Variants in CTNND2 observed in about 807,000 individuals in gnomAD.
CTNND2 encodes the protein catenin delta 2, also known as catenin delta-2.
CTNND2 carries 22 observed loss-of-function variants against 144.4 expected under a neutral mutation model. That is an observed-to-expected ratio of 0.15 (90% CI 0.11 to 0.22). The LOEUF is 0.22. Among genes scored for constraint, CTNND2 ranks in the 10% least tolerant of loss-of-function variants. CTNND2 has a pLI of 1.00. For synonymous variants in CTNND2, 751 were observed against 695.6 expected, an observed-to-expected ratio of 1.08 and a Z score of -1.25; for missense variants, 1,353 against 1,618.8, an observed-to-expected ratio of 0.84 and a Z score of 2.82.
intron 1 of CTNND2, among the ~76,000 whole-genome samples, chr5:11,766,601 T>C (rs535588445): frequency 6.6e-6 from 1 of 152,316 alleles, no homozygotes; most frequent in African/African-American, 2.4e-5. Flanking sequence ...AACCTCTTTC[T>C]TTTGTAAATT....
At chr5:11,351,468 C>T (rs1755338846) in intron 8 of CTNND2, among the ~76,000 whole-genome samples, 1 of 152,172 alleles carries the variant, frequency 6.6e-6, no homozygotes, top group Non-Finnish European at 1.5e-5. Context: ...TATCTGTTTT[C>T]TGCAGAGCTG....
rs148506663 is a variant in CTNND2 at position 11,162,253 on chromosome 5, A to G, written c.1976-2494T>C. On this transcript the variant is annotated intron_variant, in intron 11 of 21. Transcript: ENST00000304623. ...GAAAATCTCAAGGCTTTCTATGAGA[A>G]TACAGCTATTTTTACTGTTTTCTTA... Among the ~76,000 whole-genome samples the G allele has an allele frequency of 5.8e-4, 89 of 152,308 alleles. 1 individual carries two copies. Among genetic ancestry groups the G allele is most frequent in the African/African-American group, 2.0e-3 (85 of 41,572 alleles).
intron 2 of CTNND2, among the ~76,000 whole-genome samples, chr5:11,648,181 T>C (rs1173000790): frequency 6.6e-6 from 1 of 151,068 alleles, no homozygotes; most frequent in Non-Finnish European, 1.5e-5. Flanking sequence ...ACTTTTTTTT[T>C]TTTTTTTTTT....
chr5:11,420,355 T>C (rs780691352), intron 3 of CTNND2, among the ~76,000 whole-genome samples: 1 of 152,058 alleles, frequency 6.6e-6, no homozygotes. Flanking sequence ...AAACCTGACA[T>C]TTGATTCTAA....
chr5:11,872,807 A>G (rs1432412085), intron 1 of CTNND2, among the ~76,000 whole-genome samples: 2 of 152,186 alleles, frequency 1.3e-5, no homozygotes, highest in African/African-American at 4.8e-5. Flanking sequence ...CCATATGCAG[A>G]AAACTGAAAC....
intron 9 of CTNND2, among the ~76,000 whole-genome samples, chr5:11,283,613 G>A (rs1269401162): frequency 7.8e-6 from 1 of 127,760 alleles, no homozygotes; most frequent in Non-Finnish European, 1.6e-5. Context: ...GGCGGAGGTT[G>A]CAGTAAGCCA....
chr5:11,809,005 T>A (rs1284365378), intron 1 of CTNND2, among the ~76,000 whole-genome samples: 2 of 152,170 alleles, frequency 1.3e-5, no homozygotes, highest in Non-Finnish European at 2.9e-5. Context: ...GATACTTCAA[T>A]ATGGGCATAA....
intron 21 of CTNND2, among the ~76,000 whole-genome samples, chr5:10,977,134 G>A (rs1344594864): frequency 6.6e-6 from 1 of 152,220 alleles, no homozygotes; most frequent in Non-Finnish European, 1.5e-5. Flanking sequence ...GAACCAAGAT[G>A]AGTATTTGCC....
chr5:11,250,510 TATAC>T (rs1290094195), intron 9 of CTNND2, among the ~76,000 whole-genome samples: 161 of 80,362 alleles, frequency 2.0e-3, no homozygotes, highest in Admixed American at 2.8e-3. Flanking sequence ...TATATATATA[TATAC>T]ATATATTTTT....
intron 12 of CTNND2, among the ~76,000 whole-genome samples, chr5:11,122,413 G>A (rs962177377): frequency 2.0e-5 from 3 of 152,062 alleles, no homozygotes; most frequent in Non-Finnish European, 4.4e-5. Flanking sequence ...TGGAGGAAGA[G>A]CTTTCACAGC....
In CTNND2 at chr5:10,985,665, A is replaced by G. The variant is rs192917693; in HGVS notation, c.3343+2446T>C. 5.4e-4 allele frequency among the ~76,000 whole-genome samples: 82 copies of G among 152,362 alleles called. No homozygotes were observed. The Middle Eastern group carries it at 0.014, about 25-fold the overall frequency. ...AGTTTTTCAGGTTATCTTTCAATGC[A>G]CTGAACTTTAAATGTTCCGTAGATT... On this transcript the variant is annotated intron_variant, in intron 20 of 21. Coordinates refer to ENST00000304623, the MANE Select transcript of CTNND2 (RefSeq NM_001332.4).
Position 11,385,089 on chromosome 5 carries a change from C to CGCGGCG in CTNND2, c.747_752dup (p.Ala250_Ala251dup), listed in dbSNP as rs578098885. On this transcript the variant is annotated inframe_insertion, in exon 7 of 22. Transcript: ENST00000304623. ...GCAGCGTGGAGCTGGAGTAGTAGAG[C>CGCGGCG]GCGGCGGCGGCGGCGGCGGGCGGCG... is the stretch of plus-strand genomic sequence containing the variant. 334 of 1,054,298 alleles carry CGCGGCG rather than the reference C, an allele frequency of 3.2e-4. 1 individual carries two copies. The highest frequency in any genetic ancestry group is 1.8e-3 in the African/African-American group (103 of 57,714). The allele number at this position is 1,054,298 out of a possible 1,614,324, so 65.3% of individuals were successfully genotyped here. A position where few individuals can be genotyped will look rare whatever the true frequency, so the allele number is the denominator to read the frequency against.
chr5:11,573,688 C>T (rs776530838), intron 2 of CTNND2, among the ~76,000 whole-genome samples: 16 of 152,256 alleles, frequency 1.1e-4, no homozygotes, highest in Admixed American at 5.2e-4. Flanking sequence ...TTTTCAACAA[C>T]GACAGTGTCA....
At chr5:11,329,238 C>T (rs1037753457) in intron 9 of CTNND2, among the ~76,000 whole-genome samples, 1 of 152,176 alleles carries the variant, frequency 6.6e-6, no homozygotes, top group Admixed American at 6.5e-5. Flanking sequence ...TCACTGCAAC[C>T]TCTACCTCCT....
chr5:11,464,769 A>T (rs1039430250), intron 3 of CTNND2, among the ~76,000 whole-genome samples: 9 of 152,154 alleles, frequency 5.9e-5, no homozygotes, highest in African/African-American at 2.2e-4. Context: ...GGGTGACAAG[A>T]TTGGCTATTG....
At position 11,418,267 on chromosome 5, in the gene CTNND2, G is replaced by A. The variant is rs533912998; in HGVS notation, c.288-6198C>T. Among the ~76,000 whole-genome samples, 250 of 152,158 alleles carry A rather than the reference G, an allele frequency of 1.6e-3. 2 individuals carry two copies. Among genetic ancestry groups the A allele is most frequent in the African/African-American group, 5.8e-3 (240 of 41,506 alleles). On this transcript the variant is annotated intron_variant, in intron 3 of 21. Transcript: ENST00000304623. ...ACTAAAAATACAAAAGTAGCTGGGCGTGGTGGCGCATGCCTGTAATCCCAG... is the reference window on the plus strand; with the variant it reads ...ACTAAAAATACAAAAGTAGCTGGGCATGGTGGCGCATGCCTGTAATCCCAG...
chr5:11,802,978 C>T (rs1377172213), intron 1 of CTNND2, among the ~76,000 whole-genome samples: 1 of 152,126 alleles, frequency 6.6e-6, no homozygotes, highest in African/African-American at 2.4e-5. Context: ...GGAATATTCT[C>T]AAAAGTTTGT....
At chr5:11,022,465 T>C (rs141060809) in intron 17 of CTNND2, among the ~76,000 whole-genome samples, 1 of 152,256 alleles carries the variant, frequency 6.6e-6, no homozygotes, top group East Asian at 1.9e-4. Flanking sequence ...CAGAGGGATG[T>C]AGAGACATCA....
chr5:11,472,012 C>G (rs1318529491), intron 3 of CTNND2, among the ~76,000 whole-genome samples: 1 of 152,160 alleles, frequency 6.6e-6, no homozygotes, highest in East Asian at 1.9e-4. Flanking sequence ...TTTTCAGAAG[C>G]GAACACTGTC....
Sources: gnomAD v4.1 joint callset for allele counts (sites outside exome capture counted in the v4.1 genomes callset) on GRCh38, gnomAD v4.1.1 for gene constraint, MANE v1.5 for transcripts, NCBI Gene and HGNC (gene_info 2026-07-23, HGNC 2026-07-21) for gene names.